PTPRT: variants seen among roughly 807,000 people sequenced by gnomAD.
The protein encoded by PTPRT is receptor-type tyrosine-protein phosphatase T.
A neutral mutation model predicts 176.8 loss-of-function variants in PTPRT; 56 were observed. The observed-to-expected ratio is 0.32, with a 90% CI of 0.26 to 0.40. The LOEUF (loss-of-function observed/expected upper bound fraction) is 0.40. PTPRT is among the 10% of genes least tolerant of loss of function. The pLI, the probability that PTPRT is intolerant of heterozygous loss-of-function variation, is 1.00. For missense variants in PTPRT, 1,540 were observed against 1,908.2 expected (o/e 0.81, Z 3.60); for synonymous variants, 783 against 739.0 (o/e 1.06, Z -0.96).
intron 16 of PTPRT, among the ~76,000 whole-genome samples, chr20:42,185,018 T>C (rs1990716457): frequency 6.6e-6 from 1 of 152,064 alleles, no homozygotes; most frequent in Non-Finnish European, 1.5e-5. Flanking sequence ...TGGCTTCCTC[T>C]CACCTAGAAA....
At position 42,756,939 on chromosome 20, in the gene PTPRT, T is replaced by C. The variant is rs552349461; in HGVS notation, c.685-303A>G. ...GGTGGCACTCATCTTCAGTCCCAGA[T>C]ACTCTGGAGGGTGAGGAAGGAGGAT... On this transcript the variant is annotated intron_variant, in intron 5 of 30. Transcript: ENST00000373187. 5.0e-4 allele frequency among the ~76,000 whole-genome samples: 76 copies of C among 151,400 alleles called. 1 individual carries two copies. The highest frequency in any genetic ancestry group is 1.8e-3 in the African/African-American group (73 of 41,282).
chr20:42,853,483 G>C (rs190016400), intron 2 of PTPRT, among the ~76,000 whole-genome samples: 326 of 152,310 alleles, frequency 2.1e-3, no homozygotes, highest in Non-Finnish European at 3.8e-3. Flanking sequence ...CCCAGGATGA[G>C]AAGGTGTAAG....
At chr20:42,716,474 C>T (rs555274404) in intron 6 of PTPRT, among the ~76,000 whole-genome samples, 13 of 152,240 alleles carry the variant, frequency 8.5e-5, no homozygotes, top group African/African-American at 3.1e-4. Context: ...CTCATTGTGG[C>T]TTTGATTTTC....
chr20:42,818,286 G>T (rs1054733408), intron 2 of PTPRT, among the ~76,000 whole-genome samples: 2 of 151,620 alleles, frequency 1.3e-5, no homozygotes, highest in Non-Finnish European at 2.9e-5. Context: ...AATGAAGAGG[G>T]ACCTGACTAT....
At chr20:42,363,300 A>ATATATAT (rs1248285783) in intron 9 of PTPRT, among the ~76,000 whole-genome samples, 2 of 30,562 alleles carry the variant, frequency 6.5e-5, no homozygotes, top group African/African-American at 1.7e-4. Flanking sequence ...ATATATATAT[A>ATATATAT]TTTTTTTTTT....
intron 13 of PTPRT, among the ~76,000 whole-genome samples, chr20:42,268,330 C>T (rs1420804933): frequency 6.6e-6 from 1 of 152,128 alleles, no homozygotes; most frequent in East Asian, 1.9e-4. Context: ...GAGGTAAGAA[C>T]AAAAGCACCT....
At position 42,074,475 on chromosome 20, in the gene PTPRT, A is replaced by G; in HGVS notation, c.*6404T>C. On this transcript the variant is annotated 3_prime_UTR_variant, in exon 31 of 31. Coordinates refer to ENST00000373187, the MANE Select transcript of PTPRT (RefSeq NM_007050.6). ...CTGTCCAACACTTCAAGGCCACCAG[A>G]CACTCATTCTCCGAACATTCCAATT... 3.2e-6 allele frequency: 1 copy of G among 312,594 alleles called. No homozygotes were observed. Among genetic ancestry groups the G allele is most frequent in the East Asian group, 4.7e-5 (1 of 21,208 alleles). 19.4% of individuals were successfully genotyped at this position (312,594 alleles called of 1,614,324 possible).
chr20:42,616,224 G>C (rs1314476923), intron 7 of PTPRT, among the ~76,000 whole-genome samples: 1 of 123,648 alleles, frequency 8.1e-6, no homozygotes, highest in African/African-American at 4.0e-5. Flanking sequence ...TTTTTCTCAG[G>C]TTTGTCAAAG....
At chr20:42,820,843 C>G (rs2077880415) in intron 2 of PTPRT, among the ~76,000 whole-genome samples, 1 of 152,290 alleles carries the variant, frequency 6.6e-6, no homozygotes, top group South Asian at 2.1e-4. Context: ...GACGCATACA[C>G]TCAACCAAGA....
intron 9 of PTPRT, among the ~76,000 whole-genome samples, chr20:42,443,528 T>C (rs2059337447): frequency 6.6e-6 from 1 of 152,364 alleles, no homozygotes; most frequent in East Asian, 1.9e-4. Context: ...GGCCATGGTC[T>C]AATTCATCTT....
At chr20:43,086,802 G>T (rs930757058) in intron 1 of PTPRT, among the ~76,000 whole-genome samples, 4 of 152,134 alleles carry the variant, frequency 2.6e-5, no homozygotes, top group African/African-American at 4.8e-5. Context: ...ACCGGGGGCT[G>T]GGAGGGAAGA....
chr20:42,458,180 G>A (rs768966737), intron 8 of PTPRT, among the ~76,000 whole-genome samples: 22 of 152,112 alleles, frequency 1.4e-4, no homozygotes, highest in African/African-American at 4.3e-4. Flanking sequence ...CCATGGCATC[G>A]TTTTACAGTT....
chr20:42,219,355 C>A (rs2055833611), intron 15 of PTPRT, among the ~76,000 whole-genome samples: 1 of 152,140 alleles, frequency 6.6e-6, no homozygotes, highest in Non-Finnish European at 1.5e-5. Context: ...ACTAGTTCTG[C>A]TTATAACGCC....
At chr20:43,137,234 C>T (rs2013860290) in intron 1 of PTPRT, among the ~76,000 whole-genome samples, 1 of 152,170 alleles carries the variant, frequency 6.6e-6, no homozygotes, top group Non-Finnish European at 1.5e-5. Context: ...AATGCAGGGA[C>T]AATGACAGAG....
intron 9 of PTPRT, among the ~76,000 whole-genome samples, chr20:42,417,235 G>T (rs775179579): frequency 6.6e-6 from 1 of 152,138 alleles, no homozygotes; most frequent in African/African-American, 2.4e-5. Context: ...CCTCTTGGCA[G>T]ATTCCAGGTA....
chr20:42,935,275 G>A (rs1283522092), intron 1 of PTPRT, among the ~76,000 whole-genome samples: 1 of 146,602 alleles, frequency 6.8e-6, no homozygotes, highest in Non-Finnish European at 1.5e-5. Flanking sequence ...GAGAAGCTGG[G>A]ACTACAGGCA....
intron 9 of PTPRT, among the ~76,000 whole-genome samples, chr20:42,356,096 C>T (rs896745173): frequency 1.3e-5 from 2 of 151,916 alleles, no homozygotes; most frequent in Admixed American, 6.6e-5. Context: ...GCAAGTTTCA[C>T]GAAGTTAGTG....
chr20:42,674,858 G>GAA (rs1292159619), intron 7 of PTPRT, among the ~76,000 whole-genome samples: 2 of 149,650 alleles, frequency 1.3e-5, no homozygotes, highest in African/African-American at 2.6e-5. Flanking sequence ...CTTAAGAATG[G>GAA]TTACAGCTAA....
chr20:42,980,757 C>A (rs922863796), intron 1 of PTPRT, among the ~76,000 whole-genome samples: 31 of 152,294 alleles, frequency 2.0e-4, no homozygotes, highest in African/African-American at 6.7e-4. Context: ...AGCTCCTCAC[C>A]TCCCTTTTGT....
Sources: allele counts gnomAD v4.1 joint callset (sites outside exome capture counted in the v4.1 genomes callset), GRCh38; gene constraint gnomAD v4.1.1; transcripts MANE v1.5; gene names NCBI Gene and HGNC (gene_info 2026-07-23, HGNC 2026-07-21).